The following LINGO2 variants were observed in gnomAD, a reference collection of about 807,000 sequenced individuals.
The protein encoded by LINGO2 is leucine-rich repeat and immunoglobulin-like domain-containing nogo receptor-interacting protein 2.
A neutral mutation model predicts 30.6 loss-of-function variants in LINGO2; 14 were observed. The observed-to-expected ratio is 0.46, with a 90% CI of 0.30 to 0.72. The LOEUF (loss-of-function observed/expected upper bound fraction) is 0.72. Among genes scored for constraint, LINGO2 ranks in the 30% least tolerant of loss-of-function variants. The pLI, the probability that LINGO2 is intolerant of heterozygous loss-of-function variation, is 0.07. For missense variants in LINGO2, 729 were observed against 751.7 expected, an observed-to-expected ratio of 0.97 and a Z score of 0.35; for synonymous variants, 317 against 288.5, an observed-to-expected ratio of 1.10 and a Z score of -1.00.
chr9:28,866,962 C>A, the LINGO2 span, among the ~76,000 whole-genome samples: 1 of 152,164 alleles, frequency 6.6e-6, no homozygotes, highest in Non-Finnish European at 1.5e-5. Flanking sequence ...AATCTTGTAT[C>A]TTACATTTTT....
chr9:28,955,787 G>A, the LINGO2 span, among the ~76,000 whole-genome samples: 1 of 152,014 alleles, frequency 6.6e-6, no homozygotes, highest in Admixed American at 6.6e-5. Context: ...CTTAAATGGA[G>A]ACACAGTAAG....
At chr9:28,459,092 T>C (rs933255933) in intron 2 of LINGO2, among the ~76,000 whole-genome samples, 6 of 152,114 alleles carry the variant, frequency 3.9e-5, no homozygotes, top group Non-Finnish European at 7.4e-5. Flanking sequence ...ATAATTCCAA[T>C]AGTACTCTAC....
At chr9:29,199,526 G>A in the LINGO2 span, among the ~76,000 whole-genome samples, 1 of 152,062 alleles carries the variant, frequency 6.6e-6, no homozygotes, top group East Asian at 1.9e-4. Flanking sequence ...AAGAGTCAGA[G>A]GCAGCATCCT....
intron 4 of LINGO2, among the ~76,000 whole-genome samples, chr9:28,255,172 C>G (rs2134023938): frequency 6.6e-6 from 1 of 151,924 alleles, no homozygotes; most frequent in Admixed American, 6.6e-5. Context: ...TTTACCCTTC[C>G]TTCCTTCCTT....
intron 4 of LINGO2, among the ~76,000 whole-genome samples, chr9:28,020,220 T>G (rs900477708): frequency 6.6e-6 from 1 of 152,150 alleles, no homozygotes; most frequent in African/African-American, 2.4e-5. Flanking sequence ...AGCACAGCCT[T>G]TCCTTTTATC....
intron 4 of LINGO2, among the ~76,000 whole-genome samples, chr9:28,043,794 T>A (rs984724059): frequency 5.3e-5 from 8 of 152,202 alleles, no homozygotes; most frequent in African/African-American, 1.9e-4. Context: ...ACAATGATTT[T>A]GCATATATAT....
intron 5 of LINGO2, among the ~76,000 whole-genome samples, chr9:27,988,245 A>G (rs1821221654): frequency 6.6e-6 from 1 of 152,036 alleles, no homozygotes; most frequent in South Asian, 2.1e-4. Flanking sequence ...AATCCAGTCT[A>G]TCGTTGATGG....
At chr9:28,503,169 T>G (rs1191178414) in intron 1 of LINGO2, among the ~76,000 whole-genome samples, 1 of 152,076 alleles carries the variant, frequency 6.6e-6, no homozygotes, top group Non-Finnish European at 1.5e-5. Context: ...TTACTTTGGG[T>G]TCATTACAGC....
the LINGO2 span, among the ~76,000 whole-genome samples, chr9:29,163,598 T>C: frequency 1.1e-4 from 17 of 152,310 alleles, no homozygotes; most frequent in African/African-American, 3.8e-4. Flanking sequence ...TTTATCCATT[T>C]CTTCACACAT....
intron 1 of LINGO2, among the ~76,000 whole-genome samples, chr9:28,659,637 C>G (rs1167338466): frequency 1.3e-5 from 2 of 151,806 alleles, no homozygotes; most frequent in South Asian, 2.1e-4. Flanking sequence ...TTTGTAGATA[C>G]AAGGTTTTGC....
chr9:28,550,107 T>C (rs999234719), intron 1 of LINGO2, among the ~76,000 whole-genome samples: 11 of 151,912 alleles, frequency 7.2e-5, no homozygotes, highest in African/African-American at 2.7e-4. Flanking sequence ...TTTATTCCTA[T>C]TTATCCCTCT....
chr9:28,472,913 A>G (rs1413097848), intron 2 of LINGO2, among the ~76,000 whole-genome samples: 1 of 152,078 alleles, frequency 6.6e-6, no homozygotes, highest in African/African-American at 2.4e-5. Context: ...AATATATCCA[A>G]TCTCTGTGTT....
chr9:28,409,047 C>A lies in LINGO2; in HGVS notation c.-278-36179G>T, dbSNP rs77970269. Among the ~76,000 whole-genome samples, 28 of 152,132 alleles carry A rather than the reference C, an allele frequency of 1.8e-4. No individual in the cohort carries two copies. In the East Asian group the frequency reaches 5.2e-3, roughly 28 times the overall value. On this transcript the variant is annotated intron_variant, in intron 2 of 5. Transcript: ENST00000379992. ...ACAGGACAGGTTGTCAGTAATCACC[C>A]CCTCCCTTGCATCACCTTAACTCCC...
the LINGO2 span, among the ~76,000 whole-genome samples, chr9:29,021,025 AG>A: frequency 6.6e-6 from 1 of 152,200 alleles, no homozygotes; most frequent in African/African-American, 2.4e-5. Context: ...AATCTTTCTT[AG>A]AGAAAGATTA....
the LINGO2 span, among the ~76,000 whole-genome samples, chr9:28,884,559 C>T: frequency 2.6e-5 from 4 of 151,758 alleles, no homozygotes; most frequent in Admixed American, 6.6e-5. Flanking sequence ...GTTCAATTAT[C>T]GACCTGCGGA....
chr9:27,938,782 C>T, the LINGO2 span: 42,721 of 151,968 alleles, frequency 0.28, 6,518 homozygotes, highest in Middle Eastern at 0.45. Context: ...ACTTCAGTGA[C>T]GGGCAGCTCG....
At chr9:28,199,351 T>TCCTCCTCCTCC (rs1290385489) in intron 4 of LINGO2, among the ~76,000 whole-genome samples, 21 of 149,844 alleles carry the variant, frequency 1.4e-4, no homozygotes, top group African/African-American at 1.7e-4. Flanking sequence ...CTTCTTTTTT[T>TCCTCCTCCTCC]TTTTTTGAGA....
At chr9:28,764,013 T>C in the LINGO2 span, among the ~76,000 whole-genome samples, 1 of 151,016 alleles carries the variant, frequency 6.6e-6, no homozygotes. Flanking sequence ...AATGAGGAGA[T>C]TGAATTAGTA....
the LINGO2 span, among the ~76,000 whole-genome samples, chr9:28,683,017 G>T: frequency 1.3e-5 from 2 of 152,038 alleles, no homozygotes; most frequent in African/African-American, 4.8e-5. Flanking sequence ...CTTAAGTAAT[G>T]ATTTTAAGTA....
Sources: allele counts gnomAD v4.1 joint callset (sites outside exome capture counted in the v4.1 genomes callset), GRCh38; gene constraint gnomAD v4.1.1; transcripts MANE v1.5; gene names NCBI Gene and HGNC (gene_info 2026-07-23, HGNC 2026-07-21).